Variants in ACY3 observed in about 807,000 individuals in gnomAD.
ACY3 encodes aminoacylase 3.
In ACY3, 20 loss-of-function variants were observed where a neutral mutation model predicts 24.6. The observed-to-expected ratio is 0.81, with a 90% CI of 0.57 to 1.18. ACY3 has a LOEUF of 1.18. Ranked by LOEUF, ACY3 falls within the 50% of genes most tolerant of loss-of-function variation. ACY3 has a pLI of 0.00. For missense variants in ACY3, 423 were observed against 426.8 expected, an observed-to-expected ratio of 0.99 and a Z score of 0.08; for synonymous variants, 174 against 188.4, an observed-to-expected ratio of 0.92 and a Z score of 0.62.
At chr11:67,649,941 T>C (rs1855597017) in intron 1 of ACY3, among the ~76,000 whole-genome samples, 1 of 151,864 alleles carries the variant, frequency 6.6e-6, no homozygotes, top group Non-Finnish European at 1.5e-5. Context: ...TGCGTGTGTG[T>C]GTGTTGTGTG....
chr11:67,647,141 C>G (rs1383103931), intron 2 of ACY3, 78 bp from the exon 3 acceptor site: 5 of 1,073,854 alleles, frequency 4.7e-6, no homozygotes, highest in Non-Finnish European at 6.5e-6. Context: ...CGGTGGGAGG[C>G]TCCACAGGGC....
Position 67,646,888 on chromosome 11 carries a change from C to T in ACY3, c.156G>A (p.Leu52=). The T allele has an allele frequency of 6.2e-7, 1 of 1,612,340 alleles. No homozygotes were observed. The highest frequency in any genetic ancestry group is 8.5e-7 in the Non-Finnish European group (1 of 1,179,718). Reference sequence around the variant, plus strand: ...AGCCGGATGTGGCTGCCGGGTTGGCCAGCACAGGCACAGCGGAGAAGCTGG... The same window carrying T: ...AGCCGGATGTGGCTGCCGGGTTGGCTAGCACAGGCACAGCGGAGAAGCTGG... ...QRASFSAVPV[L]ANPAATSGCR... The change falls in exon 3 of 8, where the codon CTG becomes CTA. Residue 52 remains leucine (L), a synonymous_variant. Coordinates refer to ENST00000255082, the MANE Select transcript of ACY3 (RefSeq NM_080658.2).
rs984427839 is a variant in ACY3, at chr11:67,649,533, C to T, written c.-95+1050G>A. Among the ~76,000 whole-genome samples, 4 of 152,044 alleles carry T rather than the reference C, an allele frequency of 2.6e-5. 1 individual carries two copies. The highest frequency in any genetic ancestry group is 7.3e-5 in the African/African-American group (3 of 41,346). On this transcript the variant is annotated intron_variant, in intron 1 of 7. Transcript: ENST00000255082. ...GCCCCCAGTCCTGGCAGTGTGTGCG[C>T]GTGTGTGCATGTGTGTGCATGCATG...
intron 3 of ACY3, among the ~76,000 whole-genome samples, chr11:67,646,130 C>T (rs2134110512): frequency 6.6e-6 from 1 of 152,344 alleles, no homozygotes; most frequent in Non-Finnish European, 1.5e-5. Context: ...GCCTGCCTCT[C>T]ATGCCCTCAT....
At chr11:67,645,529 G>T in intron 4 of ACY3, 149 bp from the exon 5 acceptor site, 1 of 1,228,684 alleles carries the variant, frequency 8.1e-7, no homozygotes. Context: ...GGGGGTACCG[G>T]GGGCCTGGAG....
chr11:67,644,926 T>C (rs1033654909), intron 6 of ACY3, 57 bp from the exon 7 acceptor site: 106 of 1,595,988 alleles, frequency 6.6e-5, no homozygotes, highest in Non-Finnish European at 7.7e-5. Context: ...GGGGACAGAC[T>C]GGGCCGTGGG....
chr11:67,645,810 G>C lies in ACY3; in HGVS notation c.314C>G (p.Ser105Trp). 1 of 1,613,946 alleles carries C rather than the reference G, an allele frequency of 6.2e-7. No individual in the cohort carries two copies. The highest frequency in any genetic ancestry group is 8.5e-7 in the Non-Finnish European group (1 of 1,179,898). Residue 105 changes from serine (S) to tryptophan (W), a missense_variant, in exon 4 of 8, where the codon TCG (serine) becomes TGG (tryptophan). By Grantham distance (177) the Ser-to-Trp change is radical (BLOSUM62 -3). Transcript: ENST00000255082. Reference protein sequence around the residue: ...ELNQLLGPKASGQAFDFVLDL... With the variant: ...ELNQLLGPKAWGQAFDFVLDL... ...AAGGACAAAGTCAAAGGCCTGGCCC[G>C]AGGCCTTGGGCCCCAGCAGCTGGTT...
chr11:67,648,426 C>T (rs1453387333), intron 1 of ACY3, among the ~76,000 whole-genome samples: 1 of 152,200 alleles, frequency 6.6e-6, no homozygotes, highest in Non-Finnish European at 1.5e-5. Flanking sequence ...AAGGTGAGGT[C>T]CCCTGCACTC....
At chr11:67,648,334 G>A (rs1465550248) in intron 1 of ACY3, among the ~76,000 whole-genome samples, 1 of 152,192 alleles carries the variant, frequency 6.6e-6, no homozygotes, top group East Asian at 1.9e-4. Context: ...AGCCCTAGAG[G>A]CGGGCTGTAG....
At position 67,642,858 on chromosome 11, in the gene ACY3, A is replaced by G; in HGVS notation, c.826T>C (p.Ser276Pro). 9 of 1,613,772 alleles carry G rather than the reference A, an allele frequency of 5.6e-6. No individual in the cohort carries two copies. The highest frequency in any genetic ancestry group is 6.8e-6 in the Non-Finnish European group (8 of 1,179,972). The change falls in exon 8 of 8, where the codon TCC becomes CCC. Residue 276 changes from serine to proline, a missense_variant. By Grantham distance (74) the Ser-to-Pro change is moderately conservative. Coordinates refer to ENST00000255082, the MANE Select transcript of ACY3 (RefSeq NM_080658.2). ...SGEDLLYEGE[S>P]TVYPVFINEA... The stretch of plus-strand genomic sequence containing the variant: ...TTAATGAACACGGGGTACACCGTGG[A>G]CTCTCCCTCATAGAGCAGGTCCTCC...
Position 67,644,842 on chromosome 11 carries a change from T to G in ACY3, c.662A>C (p.Glu221Ala). ...CACGACGCCCACGGGTCTATAGGCT[T>G]CCATCTCAAAGGCAGGAAAGGCCGT... ...QGTAFPAFEM[E>A]AYRPVGVVDF... The change falls in exon 7 of 8, where the codon GAA (glutamate) becomes GCA (alanine). Residue 221 changes from glutamate to alanine, a missense_variant. Glu to Ala is a moderately radical substitution (Grantham distance 107, BLOSUM62 -1). Transcript: ENST00000255082. 1 of 1,593,478 alleles carries G rather than the reference T, an allele frequency of 6.3e-7. No homozygotes were observed. Among genetic ancestry groups the G allele is most frequent in the Non-Finnish European group, 8.5e-7 (1 of 1,170,224 alleles).
At chr11:67,647,491 G>C (rs1047238275) in intron 2 of ACY3, 25 bp downstream of exon 2, 1 of 159,520 alleles carries the variant, frequency 6.3e-6, no homozygotes, top group African/African-American at 2.4e-5. Context: ...GCTGGTGCAG[G>C]GGTCTCAGGT....
At chr11:67,645,174 G>T (rs1216619268) in intron 5 of ACY3, 22 bp from the exon 6 acceptor site, 4 of 1,608,642 alleles carry the variant, frequency 2.5e-6, no homozygotes, top group Admixed American at 1.7e-5. Context: ...GAAGCAAGGG[G>T]TTAGGCAGGT....
At chr11:67,644,600 G>T (rs540321594) in intron 7 of ACY3, among the ~76,000 whole-genome samples, 160 bp downstream of exon 7, 2 of 152,118 alleles carry the variant, frequency 1.3e-5, no homozygotes, top group Non-Finnish European at 2.9e-5. Context: ...GGATGGCGGA[G>T]CCCAGCCTCC....
At position 67,642,743 on chromosome 11, in the gene ACY3, G is replaced by T; in HGVS notation, c.941C>A (p.Ala314Asp). 1 of 1,614,144 alleles carries T rather than the reference G, an allele frequency of 6.2e-7. No individual in the cohort carries two copies. The highest frequency in any genetic ancestry group is 8.5e-7 in the Non-Finnish European group (1 of 1,180,024). Residue 314 changes from alanine to aspartate, a missense_variant, in exon 8 of 8, where the codon GCC (alanine) becomes GAC (aspartate). Physicochemically the swap from Ala to Asp is moderately radical, Grantham distance 126. Transcript: ENST00000255082. ...CTTGGGTTAGGAAGCTGGGCTCGGG[G>T]CAGGGGTCAGCGCGGGCATGGCAGG... Reference protein sequence around the residue: ...TVPAMPALTPAPSPAS With the variant: ...TVPAMPALTPDPSPAS
At position 67,650,045 on chromosome 11, in the gene ACY3, G is replaced by A. The variant is rs1855599549; in HGVS notation, c.-95+538C>T. 3.9e-5 allele frequency among the ~76,000 whole-genome samples: 6 copies of A among 152,348 alleles called. No individual in the cohort carries two copies. The South Asian group carries it at 1.2e-3, about 32-fold the overall frequency. On this transcript the variant is annotated intron_variant, in intron 1 of 7. Coordinates refer to ENST00000255082, the MANE Select transcript of ACY3 (RefSeq NM_080658.2). ...TCTCTGGGCCTTGGCTCCACCCTGT[G>A]AAAGTCCTGGCCAAGGGCAGCTGTG...
Position 67,646,868 on chromosome 11 carries a change from G to T in ACY3, c.176C>A (p.Ser59Tyr). ...ATGGTCCACGTAGCGGCGGCAGCCG[G>T]ATGTGGCTGCCGGGTTGGCCAGCAC... Reference protein sequence around the residue: ...VPVLANPAATSGCRRYVDHDL... With the variant: ...VPVLANPAATYGCRRYVDHDL... The change falls in exon 3 of 8, where the codon TCC becomes TAC. Residue 59 changes from serine (S) to tyrosine (Y), a missense_variant. Transcript: ENST00000255082. The T allele has an allele frequency of 6.2e-7, 1 of 1,612,652 alleles. No homozygotes were observed. The highest frequency in any genetic ancestry group is 2.2e-5 in the East Asian group (1 of 44,872).
chr11:67,647,199 C>T (rs1439291470), intron 2 of ACY3, 136 bp from the exon 3 acceptor site: 2 of 592,002 alleles, frequency 3.4e-6, no homozygotes, highest in African/African-American at 3.8e-5. Context: ...TCAGCTGTGT[C>T]CCACCTGCAC....
intron 4 of ACY3, 52 bp from the exon 5 acceptor site, chr11:67,645,432 C>T (rs1394228022): frequency 6.4e-7 from 1 of 1,572,738 alleles, no homozygotes; most frequent in South Asian, 1.1e-5. Flanking sequence ...GGAAGGGAAA[C>T]TGAGGTGGGA....
Sources: gnomAD v4.1 joint callset for allele counts (sites outside exome capture counted in the v4.1 genomes callset) on GRCh38, gnomAD v4.1.1 for gene constraint, MANE v1.5 for transcripts, NCBI Gene and HGNC (gene_info 2026-07-23, HGNC 2026-07-21) for gene names.